Variants in LRRC4C observed in about 807,000 individuals in gnomAD.
The protein encoded by LRRC4C is leucine-rich repeat-containing protein 4C.
LRRC4C carries 5 observed loss-of-function variants against 33.6 expected under a neutral mutation model. The observed-to-expected ratio is 0.15, with a 90% CI of 0.08 to 0.31. LRRC4C has a LOEUF of 0.31. Among genes scored for constraint, LRRC4C ranks in the 10% least tolerant of loss-of-function variants. LRRC4C has a pLI of 1.00. For synonymous variants in LRRC4C, 329 were observed against 302.0 expected (o/e 1.09, Z -0.93); for missense variants, 560 against 796.7 (o/e 0.70, Z 3.58).
At position 41,312,543 on chromosome 11, in the gene LRRC4C, G is replaced by T. The variant is rs564837908; in HGVS notation, c.-496+146888C>A. Among the ~76,000 whole-genome samples the T allele has an allele frequency of 2.0e-5, 3 of 152,230 alleles. No individual in the cohort carries two copies. In the South Asian group the frequency reaches 6.2e-4, roughly 32 times the overall value. Reference sequence around the variant, plus strand: ...GAGAATTTCTGTATTAATTTCATATGAATTGATGAGATTAGTGCACAGCAT... The same window carrying T: ...GAGAATTTCTGTATTAATTTCATATTAATTGATGAGATTAGTGCACAGCAT... On this transcript the variant is annotated intron_variant, in intron 1 of 6. Coordinates refer to ENST00000528697, the MANE Select transcript of LRRC4C (RefSeq NM_001258419.2).
At chr11:41,033,478 G>A (rs916520591) in intron 1 of LRRC4C, among the ~76,000 whole-genome samples, 10 of 152,022 alleles carry the variant, frequency 6.6e-5, no homozygotes, top group Non-Finnish European at 1.2e-4. Context: ...CACTTATCCC[G>A]TGATGCTCCC....
At chr11:40,134,999 G>C (rs892777743) in intron 6 of LRRC4C, among the ~76,000 whole-genome samples, 1 of 152,192 alleles carries the variant, frequency 6.6e-6, no homozygotes, top group African/African-American at 2.4e-5. Context: ...GGAGGAAACA[G>C]AGTAGACTCT....
At chr11:40,662,998 C>G (rs1002779456) in intron 2 of LRRC4C, among the ~76,000 whole-genome samples, 48 of 152,148 alleles carry the variant, frequency 3.2e-4, no homozygotes, top group Non-Finnish European at 1.6e-4. Flanking sequence ...TAAATTATAT[C>G]TCCTAGAAAT....
At chr11:41,214,560 T>A (rs1381597688) in intron 1 of LRRC4C, among the ~76,000 whole-genome samples, 1 of 109,732 alleles carries the variant, frequency 9.1e-6, no homozygotes, top group Non-Finnish European at 1.7e-5. Flanking sequence ...TGAAACCCCG[T>A]CTCTACTAAA....
intron 3 of LRRC4C, among the ~76,000 whole-genome samples, chr11:40,500,291 TATACACACACACACACAC>T (rs1227950390): frequency 3.2e-5 from 2 of 62,768 alleles, no homozygotes; most frequent in African/African-American, 1.2e-4. Flanking sequence ...TATATATATA[TATACACACACACACACAC>T]ACACACACAC....
chr11:40,477,653 C>T (rs148284698), intron 3 of LRRC4C, among the ~76,000 whole-genome samples: 2 of 151,740 alleles, frequency 1.3e-5, no homozygotes, highest in Admixed American at 6.6e-5. Context: ...TTTTTCTTTG[C>T]CTGCTCTAGA....
intron 1 of LRRC4C, among the ~76,000 whole-genome samples, chr11:41,108,452 A>G (rs1206541161): frequency 6.6e-6 from 1 of 152,178 alleles, no homozygotes; most frequent in Non-Finnish European, 1.5e-5. Flanking sequence ...ATTAACTCAC[A>G]TAAAGGGAGA....
chr11:40,335,034 A>C (rs1590350247), intron 3 of LRRC4C, among the ~76,000 whole-genome samples: 1 of 152,188 alleles, frequency 6.6e-6, no homozygotes, highest in Admixed American at 6.5e-5. Context: ...AAGCAACAAT[A>C]GATTTTTCTC....
At position 41,279,428 on chromosome 11, in the gene LRRC4C, A is replaced by ACACACACCCCCC. The variant is rs58139193; in HGVS notation, c.-496+180002_-496+180003insGGGGGGTGTGTG. On this transcript the variant is annotated intron_variant, in intron 1 of 6. Coordinates refer to ENST00000528697, the MANE Select transcript of LRRC4C (RefSeq NM_001258419.2). ...CACACACACACACACACACACACACACCGTGGCAATCACTGCCTGCAATGG... is the reference window on the plus strand; with the variant it reads ...CACACACACACACACACACACACACACACACACCCCCCCCGTGGCAATCACTGCCTGCAATGG... Among the ~76,000 whole-genome samples the ACACACACCCCCC allele has an allele frequency of 1.2e-3, 164 of 140,890 alleles. 1 individual carries two copies. The highest frequency in any genetic ancestry group is 2.2e-3 in the East Asian group (10 of 4,638). The allele number at this position is 140,890 out of a possible 152,430, so 92.4% of individuals were successfully genotyped here.
At chr11:40,651,606 G>A (rs1942808357) in intron 2 of LRRC4C, among the ~76,000 whole-genome samples, 1 of 152,056 alleles carries the variant, frequency 6.6e-6, no homozygotes, top group Admixed American at 6.5e-5. Flanking sequence ...TTATTCACTA[G>A]GGAAAAATTA....
At chr11:40,291,770 C>A (rs906815376) in intron 4 of LRRC4C, among the ~76,000 whole-genome samples, 1 of 152,144 alleles carries the variant, frequency 6.6e-6, no homozygotes, top group Admixed American at 6.6e-5. Context: ...TGTTGATCTG[C>A]AATGTCAGGT....
chr11:41,151,058 A>C, intron 1 of LRRC4C, among the ~76,000 whole-genome samples: 1 of 151,648 alleles, frequency 6.6e-6, no homozygotes, highest in East Asian at 1.9e-4. Flanking sequence ...AGCAAATACA[A>C]CTTCGCAGTT....
chr11:41,184,506 C>G (rs186468132), intron 1 of LRRC4C, among the ~76,000 whole-genome samples: 2 of 152,222 alleles, frequency 1.3e-5, no homozygotes, highest in East Asian at 3.9e-4. Flanking sequence ...CACTTTTGTT[C>G]CAGTTGCCAA....
chr11:40,384,522 C>T (rs1021132405), intron 3 of LRRC4C, among the ~76,000 whole-genome samples: 1 of 152,074 alleles, frequency 6.6e-6, no homozygotes, highest in Non-Finnish European at 1.5e-5. Context: ...TATAGCAGAA[C>T]CAGGATTCAA....
intron 1 of LRRC4C, among the ~76,000 whole-genome samples, chr11:41,079,650 A>C (rs949122907): frequency 1.3e-5 from 2 of 152,322 alleles, no homozygotes; most frequent in African/African-American, 4.8e-5. Context: ...CTACTTGGTT[A>C]GTAAAATATG....
At chr11:41,181,677 A>G (rs1412305506) in intron 1 of LRRC4C, among the ~76,000 whole-genome samples, 1 of 152,198 alleles carries the variant, frequency 6.6e-6, no homozygotes, top group Non-Finnish European at 1.5e-5. Context: ...CTTAATACCC[A>G]CAGCAGCTCA....
intron 1 of LRRC4C, among the ~76,000 whole-genome samples, chr11:41,118,616 A>G (rs942072386): frequency 6.6e-6 from 1 of 152,176 alleles, no homozygotes; most frequent in Non-Finnish European, 1.5e-5. Flanking sequence ...TTCCATTTCC[A>G]CCAGTCATTG....
At chr11:40,236,062 C>T (rs1038176015) in intron 5 of LRRC4C, among the ~76,000 whole-genome samples, 1 of 151,400 alleles carries the variant, frequency 6.6e-6, no homozygotes, top group East Asian at 1.9e-4. Flanking sequence ...AGTCACGGCT[C>T]ACAGTGGGCA....
At chr11:40,213,584 A>G (rs1014908735) in intron 5 of LRRC4C, among the ~76,000 whole-genome samples, 1 of 152,136 alleles carries the variant, frequency 6.6e-6, no homozygotes, top group Non-Finnish European at 1.5e-5. Context: ...CTGATTCCCA[A>G]GATCCGTCTT....
Sources: allele counts gnomAD v4.1 joint callset (sites outside exome capture counted in the v4.1 genomes callset), GRCh38; gene constraint gnomAD v4.1.1; transcripts MANE v1.5; gene names NCBI Gene and HGNC (gene_info 2026-07-23, HGNC 2026-07-21).